Variants in TAMM41 observed in about 807,000 individuals in gnomAD.
TAMM41 encodes the protein phosphatidate cytidylyltransferase, mitochondrial.
TAMM41 carries 36 observed loss-of-function variants against 44.1 expected under a neutral mutation model. The observed-to-expected ratio is 0.82, with a 90% CI of 0.63 to 1.08. The LOEUF is 1.08. Among genes scored for constraint, TAMM41 ranks in the 50% least tolerant of loss-of-function variants. The pLI is 0.00. For synonymous variants in TAMM41, 164 were observed against 153.1 expected (o/e 1.07, Z -0.53); for missense variants, 417 against 404.3 (o/e 1.03, Z -0.27).
At chr3:11,772,079 CT>C in the TAMM41 span, among the ~76,000 whole-genome samples, 234 of 149,052 alleles carry the variant, frequency 1.6e-3, 2 homozygotes, top group East Asian at 0.038. Flanking sequence ...TTCTTTTTTT[CT>C]TTTTTTTTGA....
chr3:11,783,781 A>G, the TAMM41 span, among the ~76,000 whole-genome samples: 1 of 152,210 alleles, frequency 6.6e-6, no homozygotes, highest in Non-Finnish European at 1.5e-5. Context: ...GAGCACTGAG[A>G]CCGGATTCAG....
intron 3 of TAMM41, among the ~76,000 whole-genome samples, chr3:11,836,211 G>C (rs546507895): frequency 6.6e-6 from 1 of 151,906 alleles, no homozygotes; most frequent in Non-Finnish European, 1.5e-5. Flanking sequence ...GGCTGTTCTC[G>C]AACTCTTGGC....
At chr3:11,747,618 A>G in the TAMM41 span, among the ~76,000 whole-genome samples, 2 of 151,464 alleles carry the variant, frequency 1.3e-5, no homozygotes, top group Non-Finnish European at 2.9e-5. Flanking sequence ...AATTCCAAAA[A>G]ACTAGCTGGG....
the TAMM41 span, among the ~76,000 whole-genome samples, chr3:11,762,741 ACCCT>A: frequency 6.6e-6 from 1 of 152,092 alleles, no homozygotes; most frequent in African/African-American, 2.4e-5. Context: ...CATGGGTCTG[ACCCT>A]TTCTGTACAA....
At chr3:11,738,496 G>C in the TAMM41 span, among the ~76,000 whole-genome samples, 1 of 152,176 alleles carries the variant, frequency 6.6e-6, no homozygotes, top group Non-Finnish European at 1.5e-5. Context: ...GTTTTTGCCT[G>C]GTTCATACAG....
chr3:11,798,105 T>G (rs2077654553), intron 7 of TAMM41, among the ~76,000 whole-genome samples: 1 of 152,142 alleles, frequency 6.6e-6, no homozygotes, highest in Non-Finnish European at 1.5e-5. Context: ...CTCAAAAACC[T>G]AAAAAGAGAA....
chr3:11,748,445 C>CT, the TAMM41 span, among the ~76,000 whole-genome samples: 26,993 of 150,730 alleles, frequency 0.18, 2,602 homozygotes, highest in Middle Eastern at 0.22. Context: ...CCACGTCTGG[C>CT]TTTTTTTTTG....
chr3:11,729,542 T>C, the TAMM41 span, among the ~76,000 whole-genome samples: 14 of 33,282 alleles, frequency 4.2e-4, no homozygotes, highest in Middle Eastern at 0.015. Context: ...TTCTTTCATT[T>C]TTTTTTTTTT....
At chr3:11,824,710 C>A (rs2078670126) in intron 4 of TAMM41, among the ~76,000 whole-genome samples, 1 of 152,138 alleles carries the variant, frequency 6.6e-6, no homozygotes, top group African/African-American at 2.4e-5. Flanking sequence ...TTACTGAGCA[C>A]CTAGTACATG....
intron 5 of TAMM41, 124 bp from the exon 6 acceptor site, chr3:11,809,806 A>G (rs1006094130): frequency 1.4e-5 from 13 of 924,138 alleles, no homozygotes; most frequent in Non-Finnish European, 1.9e-5. Flanking sequence ...CTGGCGAGGC[A>G]GCAAGCTAAG....
chr3:11,739,572 C>T, the TAMM41 span, among the ~76,000 whole-genome samples: 3 of 148,372 alleles, frequency 2.0e-5, no homozygotes, highest in South Asian at 4.3e-4. Context: ...CTCGGGTGGC[C>T]GAGGAGGGAG....
intron 7 of TAMM41, among the ~76,000 whole-genome samples, chr3:11,805,706 A>C (rs1476746830): frequency 6.6e-6 from 1 of 152,236 alleles, no homozygotes; most frequent in Non-Finnish European, 1.5e-5. Context: ...TCTCAAACCC[A>C]GGGATTAGAA....
chr3:11,796,749 C>T (rs1294873643), intron 7 of TAMM41, among the ~76,000 whole-genome samples: 2 of 152,126 alleles, frequency 1.3e-5, no homozygotes, highest in African/African-American at 4.8e-5. Context: ...CAAAAGGACT[C>T]ATAAAGAACA....
intron 4 of TAMM41, among the ~76,000 whole-genome samples, chr3:11,821,257 T>G (rs959659173): frequency 2.0e-5 from 3 of 152,228 alleles, no homozygotes; most frequent in Admixed American, 6.5e-5. Flanking sequence ...CATTGTAATA[T>G]ATAATGAAAG....
At chr3:11,816,339 C>T (rs1020849895) in intron 5 of TAMM41, among the ~76,000 whole-genome samples, 2 of 148,922 alleles carry the variant, frequency 1.3e-5, no homozygotes. Flanking sequence ...AATTCCCAGA[C>T]ATAATAAACA....
chr3:11,846,850 T>C lies in TAMM41; in HGVS notation c.-214A>G. The C allele has an allele frequency of 1.7e-6, 1 of 595,334 alleles. No homozygotes were observed. The highest frequency in any genetic ancestry group is 2.9e-6 in the Non-Finnish European group (1 of 342,786). The allele number at this position is 595,334 out of a possible 1,614,324, so 36.9% of individuals were successfully genotyped here. A position where few individuals can be genotyped will look rare whatever the true frequency, so the allele number is the denominator to read the frequency against. On this transcript the variant is annotated 5_prime_UTR_variant, in exon 1 of 8. Coordinates refer to ENST00000455809, the MANE Select transcript of TAMM41 (RefSeq NM_001284401.2). ...GCGAGAAGACGCAGCCCAGATAGGC[T>C]CGGGTGGGCGGCGGTCGCACAGGCA...
chr3:11,739,605 G>A, the TAMM41 span, among the ~76,000 whole-genome samples: 1 of 148,586 alleles, frequency 6.7e-6, no homozygotes, highest in East Asian at 2.0e-4. Flanking sequence ...CCGGGAGGTG[G>A]AGGTTGCAGT....
the TAMM41 span, chr3:11,771,125 G>A: frequency 1.3e-5 from 2 of 152,448 alleles, no homozygotes; most frequent in African/African-American, 2.4e-5. Flanking sequence ...CAACAGGCAC[G>A]CCCTTTATGA....
At chr3:11,753,830 AAAG>A in the TAMM41 span, among the ~76,000 whole-genome samples, 4 of 152,114 alleles carry the variant, frequency 2.6e-5, no homozygotes, top group Non-Finnish European at 5.9e-5. Flanking sequence ...GCACCCCAAT[AAAG>A]AAGGAGATTG....
Sources: gnomAD v4.1 joint callset for allele counts (sites outside exome capture counted in the v4.1 genomes callset) on GRCh38, gnomAD v4.1.1 for gene constraint, MANE v1.5 for transcripts, NCBI Gene and HGNC (gene_info 2026-07-23, HGNC 2026-07-21) for gene names.